Variants in KDM5A observed in about 807,000 individuals in gnomAD.
KDM5A encodes the protein lysine-specific demethylase 5A.
In KDM5A, 42 loss-of-function variants were observed where a neutral mutation model predicts 193.5. That is an observed-to-expected ratio of 0.22 (90% CI 0.17 to 0.28). The LOEUF (loss-of-function observed/expected upper bound fraction) is 0.28. KDM5A is among the 10% of genes least tolerant of loss of function. KDM5A has a pLI of 1.00. For missense variants in KDM5A, 1,692 were observed against 2,055.1 expected (o/e 0.82, Z 3.42); for synonymous variants, 796 against 718.1 (o/e 1.11, Z -1.73).
At chr12:384,227 A>C in intron 2 of KDM5A, 74 bp from the exon 3 acceptor site, 1 of 1,108,422 alleles carries the variant, frequency 9.0e-7, no homozygotes, top group Non-Finnish European at 1.4e-6. Flanking sequence ...GGGTCCCCAA[A>C]CCCCAGGATG....
intron 10 of KDM5A, among the ~76,000 whole-genome samples, chr12:336,043 CAAAAAAA>C (rs753624871): frequency 2.6e-4 from 11 of 42,012 alleles, no homozygotes; most frequent in East Asian, 1.4e-3. Context: ...TACTTCATCT[CAAAAAAA>C]AAAAAAAAAA....
chr12:337,178 C>A (rs1297716095), intron 10 of KDM5A, among the ~76,000 whole-genome samples: 1 of 152,188 alleles, frequency 6.6e-6, no homozygotes, highest in African/African-American at 2.4e-5. Context: ...GCCTGCTTAG[C>A]CTTCACCTTC....
intron 24 of KDM5A, among the ~76,000 whole-genome samples, chr12:300,023 C>T (rs1943422691): frequency 6.6e-6 from 1 of 151,336 alleles, no homozygotes; most frequent in East Asian, 2.0e-4. Flanking sequence ...ACAGGAGCAC[C>T]CAGATTCATA....
At chr12:295,035 A>T (rs1419268078) in intron 26 of KDM5A, among the ~76,000 whole-genome samples, 4 of 152,126 alleles carry the variant, frequency 2.6e-5, no homozygotes, top group African/African-American at 9.7e-5. Context: ...TTCTTTTCAT[A>T]GTCACTATAT....
chr12:375,876 C>T (rs769804891), intron 3 of KDM5A, among the ~76,000 whole-genome samples: 9 of 152,180 alleles, frequency 5.9e-5, no homozygotes, highest in Non-Finnish European at 8.8e-5. Context: ...GTATCAGCAG[C>T]GGAGGCTGTA....
chr12:310,773 C>A, intron 21 of KDM5A, 112 bp downstream of exon 21: 1 of 1,170,448 alleles, frequency 8.5e-7, no homozygotes, highest in Admixed American at 1.7e-5. Context: ...TCTGATATTA[C>A]CTAGTAAGAA....
chr12:343,009 T>G (rs757042230), intron 10 of KDM5A, among the ~76,000 whole-genome samples: 1 of 152,120 alleles, frequency 6.6e-6, no homozygotes, highest in Non-Finnish European at 1.5e-5. Context: ...TCAGAGGATT[T>G]CCCTTTCCTA....
At chr12:339,147 C>A (rs1229805187) in intron 10 of KDM5A, among the ~76,000 whole-genome samples, 2 of 148,762 alleles carry the variant, frequency 1.3e-5, no homozygotes, top group African/African-American at 4.9e-5. Context: ...CATTGCACTC[C>A]AGCCTGGGCA....
chr12:303,829 C>A (rs1414381598), intron 24 of KDM5A, among the ~76,000 whole-genome samples: 1 of 151,766 alleles, frequency 6.6e-6, no homozygotes, highest in Non-Finnish European at 1.5e-5. Context: ...GCTCTTAATA[C>A]AAGTATATGT....
intron 24 of KDM5A, among the ~76,000 whole-genome samples, chr12:298,072 C>A (rs1943396150): frequency 6.6e-6 from 1 of 152,222 alleles, no homozygotes; most frequent in Non-Finnish European, 1.5e-5. Context: ...AAACCCCCAG[C>A]TCCCTGGGAC....
chr12:348,758 T>C (rs1350505185), intron 10 of KDM5A, among the ~76,000 whole-genome samples: 2 of 151,282 alleles, frequency 1.3e-5, no homozygotes, highest in Non-Finnish European at 2.9e-5. Context: ...CTGGGGCCTG[T>C]CAGGGGGTGG....
rs533073159 is a variant in KDM5A, at chr12:280,207, C to T, written c.*5249G>A. On this transcript the variant is annotated 3_prime_UTR_variant, in exon 28 of 28. Transcript: ENST00000399788. Reference sequence around the variant, plus strand: ...TGATTCCATTCTTTTGTACTGTTCCCTACTTTTACAATGTGTACAATGTTT... The same window carrying T: ...TGATTCCATTCTTTTGTACTGTTCCTTACTTTTACAATGTGTACAATGTTT... The T allele has an allele frequency of 4.3e-6, 1 of 232,548 alleles. No individual in the cohort carries two copies. Among genetic ancestry groups the T allele is most frequent in the African/African-American group, 2.2e-5 (1 of 45,380 alleles). 14.4% of individuals were successfully genotyped at this position (232,548 alleles called of 1,614,324 possible).
chr12:385,846 C>A (rs1565555338), intron 2 of KDM5A, 51 bp downstream of exon 2: 4 of 1,392,442 alleles, frequency 2.9e-6, no homozygotes, highest in Non-Finnish European at 4.1e-6. Flanking sequence ...CTACCTACAG[C>A]CCTAATATAA....
intron 24 of KDM5A, among the ~76,000 whole-genome samples, chr12:299,420 A>G (rs1241288806): frequency 6.6e-6 from 1 of 152,218 alleles, no homozygotes; most frequent in African/African-American, 2.4e-5. Context: ...AGAATTTTCA[A>G]CTCAGAATTT....
At chr12:290,086 G>A (rs1489137096) in intron 27 of KDM5A, among the ~76,000 whole-genome samples, 3 of 151,992 alleles carry the variant, frequency 2.0e-5, no homozygotes, top group Non-Finnish European at 2.9e-5. Context: ...CTTCTGAGTA[G>A]CTGGGACTAC....
At chr12:319,955 A>G (rs992595879) in intron 18 of KDM5A, among the ~76,000 whole-genome samples, 2 of 152,146 alleles carry the variant, frequency 1.3e-5, no homozygotes, top group African/African-American at 2.4e-5. Flanking sequence ...GGGCACCTGA[A>G]GAAAGGGCCG....
At chr12:336,391 G>T (rs898233853) in intron 10 of KDM5A, among the ~76,000 whole-genome samples, 3 of 149,626 alleles carry the variant, frequency 2.0e-5, no homozygotes, top group Non-Finnish European at 4.4e-5. Flanking sequence ...ACAGAGGATG[G>T]AATAACAAAG....
Position 280,797 on chromosome 12 carries a change from C to G in KDM5A, c.*4659G>C. The G allele has an allele frequency of 8.6e-6, 2 of 232,988 alleles. No homozygotes were observed. The highest frequency in any genetic ancestry group is 1.7e-5 in the Non-Finnish European group (2 of 117,850). The allele number at this position is 232,988 out of a possible 1,614,324, so 14.4% of individuals were successfully genotyped here. ...GTCATCACTGGATTCTTGCTGGAAA[C>G]AGAAGGCAGGTGAAATCTTCAGGAA... On this transcript the variant is annotated 3_prime_UTR_variant, in exon 28 of 28. Coordinates refer to ENST00000399788, the MANE Select transcript of KDM5A (RefSeq NM_001042603.3).
At chr12:385,866 C>T (rs1458486714) in intron 2 of KDM5A, 31 bp downstream of exon 2, 2 of 1,553,000 alleles carry the variant, frequency 1.3e-6, no homozygotes, top group Non-Finnish European at 1.8e-6. Flanking sequence ...AAGAATGAAT[C>T]AGGAAGCAGA....
Sources: gnomAD v4.1 joint callset for allele counts (sites outside exome capture counted in the v4.1 genomes callset) on GRCh38, gnomAD v4.1.1 for gene constraint, MANE v1.5 for transcripts, NCBI Gene and HGNC (gene_info 2026-07-23, HGNC 2026-07-21) for gene names.